The following SGCZ variants were observed in gnomAD, a reference collection of about 807,000 sequenced individuals.
The protein encoded by SGCZ is sarcoglycan zeta.
Under a neutral mutation model 41.3 loss-of-function variants are expected in SGCZ, and 40 were observed. The ratio of observed to expected loss-of-function variants is 0.97; its 90% CI spans 0.75 to 1.26. The LOEUF (loss-of-function observed/expected upper bound fraction) is 1.26. Ranked by LOEUF, SGCZ falls within the 50% of genes most tolerant of loss-of-function variation. The probability of loss-of-function intolerance (pLI) is 0.00; values close to 1 mark genes in which losing one functional copy is unlikely to be tolerated. For synonymous variants in SGCZ, 206 were observed against 137.5 expected (o/e 1.50, Z -3.49); for missense variants, 552 against 369.8 (o/e 1.49, Z -4.04).
intron 1 of SGCZ, among the ~76,000 whole-genome samples, chr8:15,067,645 T>G (rs1805202669): frequency 6.6e-6 from 1 of 152,226 alleles, no homozygotes; most frequent in Non-Finnish European, 1.5e-5. Flanking sequence ...GTCAATTTGA[T>G]AAAATAATTC....
At chr8:14,290,969 G>T (rs995281216) in intron 3 of SGCZ, among the ~76,000 whole-genome samples, 5 of 152,062 alleles carry the variant, frequency 3.3e-5, no homozygotes, top group Non-Finnish European at 5.9e-5. Flanking sequence ...AATGGATAAA[G>T]AAAGTATTGT....
chr8:14,645,482 A>ATC (rs1458302869), intron 1 of SGCZ, among the ~76,000 whole-genome samples: 1 of 106,988 alleles, frequency 9.3e-6, no homozygotes, highest in South Asian at 3.1e-4. Context: ...ATATATTTAT[A>ATC]TGTATATATA....
chr8:14,123,184 C>G (rs1017786979), intron 5 of SGCZ, among the ~76,000 whole-genome samples: 6 of 152,042 alleles, frequency 3.9e-5, no homozygotes, highest in Non-Finnish European at 8.8e-5. Flanking sequence ...TTTCATCTGC[C>G]AAACAATAAA....
In SGCZ at chr8:14,441,629, G is replaced by T. The variant is rs1234653605; in HGVS notation, c.234+113103C>A. On this transcript the variant is annotated intron_variant, in intron 2 of 7. Coordinates refer to ENST00000382080, the MANE Select transcript of SGCZ (RefSeq NM_139167.4). ...AATGATCATTTCATTTCTGGAGTTA[G>T]AGTTCTCCTCTCAAGGCTTTTCAGA... 2.0e-5 allele frequency among the ~76,000 whole-genome samples: 3 copies of T among 152,116 alleles called. 1 individual carries two copies. Among genetic ancestry groups the T allele is most frequent in the African/African-American group, 7.2e-5 (3 of 41,426 alleles).
At chr8:14,528,440 C>T (rs1489458402) in intron 2 of SGCZ, among the ~76,000 whole-genome samples, 1 of 152,058 alleles carries the variant, frequency 6.6e-6, no homozygotes, top group Non-Finnish European at 1.5e-5. Flanking sequence ...ATCTCAAAAA[C>T]ATTAAAGGAA....
At chr8:14,281,629 A>G (rs1800443689) in intron 3 of SGCZ, among the ~76,000 whole-genome samples, 2 of 152,100 alleles carry the variant, frequency 1.3e-5, no homozygotes, top group Non-Finnish European at 1.5e-5. Flanking sequence ...GTAAACGGAA[A>G]TAACATGATC....
chr8:15,098,798 C>T (rs908463192), intron 1 of SGCZ, among the ~76,000 whole-genome samples: 3 of 152,184 alleles, frequency 2.0e-5, no homozygotes, highest in African/African-American at 7.2e-5. Context: ...ATGGCTCACG[C>T]CTGTAATCCC....
At chr8:14,917,710 G>C (rs1445805480) in intron 1 of SGCZ, among the ~76,000 whole-genome samples, 1 of 151,982 alleles carries the variant, frequency 6.6e-6, no homozygotes, top group African/African-American at 2.4e-5. Context: ...GGCAAGGAAA[G>C]ACTATGTCTT....
At chr8:14,674,097 T>C (rs949538960) in intron 1 of SGCZ, among the ~76,000 whole-genome samples, 1 of 152,116 alleles carries the variant, frequency 6.6e-6, no homozygotes, top group Non-Finnish European at 1.5e-5. Flanking sequence ...GTATAAACTG[T>C]TAAAACCTTC....
intron 1 of SGCZ, among the ~76,000 whole-genome samples, chr8:14,904,555 T>A (rs1010258541): frequency 6.6e-6 from 1 of 152,028 alleles, no homozygotes; most frequent in African/African-American, 2.4e-5. Context: ...CTGAAGGAAA[T>A]TTTAAAATCT....
At chr8:14,196,750 G>C (rs1805278657) in intron 4 of SGCZ, among the ~76,000 whole-genome samples, 1 of 152,074 alleles carries the variant, frequency 6.6e-6, no homozygotes, top group African/African-American at 2.4e-5. Flanking sequence ...ATGCACCTTA[G>C]AAGCATGCTA....
At chr8:15,117,088 C>T (rs905802793) in intron 1 of SGCZ, among the ~76,000 whole-genome samples, 5 of 152,152 alleles carry the variant, frequency 3.3e-5, no homozygotes, top group African/African-American at 1.2e-4. Context: ...TATAAATGTA[C>T]TGGCAGGGCG....
intron 1 of SGCZ, among the ~76,000 whole-genome samples, chr8:14,758,424 T>C (rs2251610): frequency 0.62 from 94,323 of 151,950 alleles, 29,799 homozygotes; most frequent in East Asian, 0.75. Context: ...TCATCGTTCT[T>C]CCCTCTCCTC....
At chr8:14,405,017 G>A (rs1004823059) in intron 2 of SGCZ, among the ~76,000 whole-genome samples, 2 of 152,174 alleles carry the variant, frequency 1.3e-5, no homozygotes, top group African/African-American at 4.8e-5. Flanking sequence ...GCCTGGTGAG[G>A]CAGCTGCCAA....
chr8:14,612,006 TAAGG>T, intron 1 of SGCZ, among the ~76,000 whole-genome samples: 1 of 152,362 alleles, frequency 6.6e-6, no homozygotes, highest in Middle Eastern at 3.4e-3. Flanking sequence ...TCTATTTCTT[TAAGG>T]GAGGCATTAA....
intron 1 of SGCZ, among the ~76,000 whole-genome samples, chr8:14,908,998 T>C (rs891254209): frequency 1.3e-5 from 2 of 152,164 alleles, no homozygotes; most frequent in Non-Finnish European, 2.9e-5. Flanking sequence ...TCCTAACACC[T>C]GGGACAATGC....
chr8:14,363,314 G>T (rs912690041), intron 2 of SGCZ, among the ~76,000 whole-genome samples: 1 of 152,088 alleles, frequency 6.6e-6, no homozygotes, highest in Non-Finnish European at 1.5e-5. Flanking sequence ...GGTAATAAGG[G>T]GAAAATACTG....
rs946335423 is a variant in SGCZ at position 14,424,115 on chromosome 8, G to A, written c.235-99911C>T. ...CTGCTGATAGAAAATTCAGCCAGGGGGAAATTTTTAAAGTCAAATAGGTGT... is the reference window on the plus strand; with the variant it reads ...CTGCTGATAGAAAATTCAGCCAGGGAGAAATTTTTAAAGTCAAATAGGTGT... On this transcript the variant is annotated intron_variant, in intron 2 of 7. Coordinates refer to ENST00000382080, the MANE Select transcript of SGCZ (RefSeq NM_139167.4). 1.6e-4 allele frequency among the ~76,000 whole-genome samples: 24 copies of A among 152,024 alleles called. 2 individuals carry two copies. The highest frequency in any genetic ancestry group is 1.5e-3 in the Admixed American group (23 of 15,268).
intron 2 of SGCZ, among the ~76,000 whole-genome samples, chr8:14,527,986 C>T (rs534081583): frequency 2.2e-4 from 33 of 151,986 alleles, no homozygotes; most frequent in Non-Finnish European, 2.9e-4. Flanking sequence ...TATGAGTGAA[C>T]TTACATGTTT....
Sources: allele counts gnomAD v4.1 joint callset (sites outside exome capture counted in the v4.1 genomes callset), GRCh38; gene constraint gnomAD v4.1.1; transcripts MANE v1.5; gene names NCBI Gene and HGNC (gene_info 2026-07-23, HGNC 2026-07-21).